The following CDK20 variants were observed in gnomAD, a reference collection of about 807,000 sequenced individuals.
The protein encoded by CDK20 is cyclin-dependent kinase 20.
A neutral mutation model predicts 38.6 loss-of-function variants in CDK20; 40 were observed. The ratio of observed to expected loss-of-function variants is 1.04; its 90% CI spans 0.81 to 1.35. The LOEUF (loss-of-function observed/expected upper bound fraction) is 1.35. Ranked by LOEUF, CDK20 falls within the 40% of genes most tolerant of loss-of-function variation. The probability of loss-of-function intolerance (pLI) is 0.00; values close to 1 mark genes in which losing one functional copy is unlikely to be tolerated. For missense variants in CDK20, 512 were observed against 452.6 expected (o/e 1.13, Z -1.19); for synonymous variants, 209 against 185.7 (o/e 1.13, Z -1.02).
rs1227628064 is a variant in CDK20, at chr9:87,967,008, A to AC, written c.*453dup. ...TTAGAATCTATATCTCACATACTGA[A>AC]CTAGTGTTTAATGGCTCTGAGAATA... On this transcript the variant is annotated 3_prime_UTR_variant, in exon 8 of 8. Transcript: ENST00000325303. 6.0e-6 allele frequency: 3 copies of AC among 497,998 alleles called. No individual in the cohort carries two copies. Among genetic ancestry groups the AC allele is most frequent in the Non-Finnish European group, 1.2e-5 (3 of 249,408 alleles). 30.8% of individuals were successfully genotyped at this position (497,998 alleles called of 1,614,324 possible).
intron 7 of CDK20, 22 bp downstream of exon 7, chr9:87,969,172 A>C (rs1235776258): frequency 6.2e-7 from 1 of 1,611,676 alleles, no homozygotes; most frequent in African/African-American, 1.3e-5. Flanking sequence ...GAAGGAGCAG[A>C]GACTACAGCC....
At chr9:87,970,671 G>A (rs1278046833) in intron 4 of CDK20, 41 bp from the exon 5 acceptor site, 1 of 1,613,534 alleles carries the variant, frequency 6.2e-7, no homozygotes, top group Non-Finnish European at 8.5e-7. Flanking sequence ...CTGAGAAAAG[G>A]ATGCCTGGGG....
At chr9:87,972,064 G>A (rs1348635690) in intron 2 of CDK20, among the ~76,000 whole-genome samples, 1 of 152,048 alleles carries the variant, frequency 6.6e-6, no homozygotes, top group East Asian at 1.9e-4. Context: ...AACTAGCCAG[G>A]CATGGTGACA....
In CDK20 at chr9:87,966,751, G is replaced by A. The variant is rs569845111; in HGVS notation, c.*711C>T. The A allele has an allele frequency of 7.3e-5, 23 of 313,006 alleles. No individual in the cohort carries two copies. The highest frequency in any genetic ancestry group is 1.1e-4 in the Non-Finnish European group (18 of 159,154). 19.4% of individuals were successfully genotyped at this position (313,006 alleles called of 1,614,324 possible). A position where few individuals can be genotyped will look rare whatever the true frequency, so the allele number is the denominator to read the frequency against. ...CAGCCTCATGTGCAGAGGGTCTCCT[G>A]CTGGATCCCCAACTGGAGCCATCCC... On this transcript the variant is annotated 3_prime_UTR_variant, in exon 8 of 8. Coordinates refer to ENST00000325303, the MANE Select transcript of CDK20 (RefSeq NM_001039803.3).
In CDK20 at chr9:87,967,132, C is replaced by T; in HGVS notation, c.*330G>A. ...CAGGAGGCAGCACTCGGGGAAGCAGCACCAAGGCAGGCATCGTCATTCTGC... is the reference window on the plus strand; with the variant it reads ...CAGGAGGCAGCACTCGGGGAAGCAGTACCAAGGCAGGCATCGTCATTCTGC... On this transcript the variant is annotated 3_prime_UTR_variant, in exon 8 of 8. Transcript: ENST00000325303. The T allele has an allele frequency of 1.7e-6, 1 of 595,046 alleles. No homozygotes were observed. 36.9% of individuals were successfully genotyped at this position (595,046 alleles called of 1,614,324 possible). A position where few individuals can be genotyped will look rare whatever the true frequency, so the allele number is the denominator to read the frequency against.
Position 87,969,189 on chromosome 9 carries a change from C to G in CDK20, c.843+5G>C. The G allele has an allele frequency of 6.2e-7, 1 of 1,613,612 alleles. No individual in the cohort carries two copies. Among genetic ancestry groups the G allele is most frequent in the Non-Finnish European group, 8.5e-7 (1 of 1,179,722 alleles). ...AGGAGCAGAGACTACAGCCTCTCCC[C>G]CTACCTTGGAAGCTGCGATGCGCTG... On this transcript the variant is annotated splice_donor_5th_base_variant and intron_variant, in intron 7 of 7. Transcript: ENST00000325303.
chr9:87,966,978 G>C lies in CDK20; in HGVS notation c.*484C>G. 7 of 454,276 alleles carry C rather than the reference G, an allele frequency of 1.5e-5. No homozygotes were observed. Among genetic ancestry groups the C allele is most frequent in the South Asian group, 1.1e-4 (7 of 64,136 alleles). The allele number at this position is 454,276 out of a possible 1,614,324, so 28.1% of individuals were successfully genotyped here. ...ACAGACATAAGGCAGAGCCACCTGA[G>C]GTTTTTAGAATCTATATCTCACATA... On this transcript the variant is annotated 3_prime_UTR_variant, in exon 8 of 8. Coordinates refer to ENST00000325303, the MANE Select transcript of CDK20 (RefSeq NM_001039803.3).
At chr9:87,970,969 T>C in intron 3 of CDK20, 72 bp from the exon 4 acceptor site, 1 of 1,596,118 alleles carries the variant, frequency 6.3e-7, no homozygotes, top group Non-Finnish European at 8.6e-7. Flanking sequence ...GGCTTGGCAG[T>C]CTAACCACTC....
At chr9:87,970,463 C>T in intron 5 of CDK20, 105 bp downstream of exon 5, 1 of 1,066,706 alleles carries the variant, frequency 9.4e-7, no homozygotes, top group Non-Finnish European at 1.4e-6. Flanking sequence ...CTTAAGGAAG[C>T]CTAAACTCCC....
At chr9:87,969,037 C>T in intron 7 of CDK20, 157 bp downstream of exon 7, 5 of 809,082 alleles carry the variant, frequency 6.2e-6, no homozygotes, top group Non-Finnish European at 9.7e-6. Context: ...GCTCCAAGGC[C>T]CCTGTCCCCT....
chr9:87,968,770 G>A lies in CDK20; in HGVS notation c.843+424C>T, dbSNP rs144686456. On this transcript the variant is annotated intron_variant, in intron 7 of 7. Coordinates refer to ENST00000325303, the MANE Select transcript of CDK20 (RefSeq NM_001039803.3). ...CACCAGGAGTGCCCCGCGGAGGTAG[G>A]ACTGATTGTTTACCATCTGTGCAGG... 1.2e-3 allele frequency: 201 copies of A among 168,352 alleles called. 1 individual carries two copies. Among genetic ancestry groups the A allele is most frequent in the African/African-American group, 4.6e-3 (196 of 42,154 alleles). The allele number at this position is 168,352 out of a possible 1,614,324, so 10.4% of individuals were successfully genotyped here.
Position 87,969,310 on chromosome 9 carries a change from T to C in CDK20, c.727A>G (p.Lys243Glu). The change falls in exon 7 of 8, where the codon AAG (lysine) becomes GAG (glutamate). Residue 243 changes from lysine to glutamate, a missense_variant. Lys to Glu is a moderately conservative substitution (Grantham distance 56). Coordinates refer to ENST00000325303, the MANE Select transcript of CDK20 (RefSeq NM_001039803.3). ...TCCAGGGGCATGGGCACCTGCTCCT[T>C]AAAGGAGATCTTGTTGTAGTCCGGC... is the stretch of plus-strand genomic sequence containing the variant. ...ELPDYNKISF[K>E]EQVPMPLEEV... 1 of 1,613,962 alleles carries C rather than the reference T, an allele frequency of 6.2e-7. No individual in the cohort carries two copies.
At chr9:87,969,097 T>C in intron 7 of CDK20, 97 bp downstream of exon 7, 1 of 1,391,102 alleles carries the variant, frequency 7.2e-7, no homozygotes, top group Non-Finnish European at 9.9e-7. Context: ...GTTCTGAGGG[T>C]CGCTGATGTG....
chr9:87,974,149 G>A lies in CDK20; in HGVS notation c.76-114C>T, dbSNP rs1463071424. On this transcript the variant is annotated intron_variant, in intron 1 of 7. Coordinates refer to ENST00000325303, the MANE Select transcript of CDK20 (RefSeq NM_001039803.3). The stretch of plus-strand genomic sequence containing the variant: ...ACACGCGCCCCCGGCTCGGCCAGAG[G>A]CCCTCCTCGGGGGTCTAGGACTAGC... 5.8e-6 allele frequency: 9 copies of A among 1,546,344 alleles called. No homozygotes were observed. In the South Asian group the frequency reaches 7.0e-5, roughly 12 times the overall value.
chr9:87,967,871 G>A, intron 7 of CDK20: 1 of 524,074 alleles, frequency 1.9e-6, no homozygotes, highest in Non-Finnish European at 3.4e-6. Context: ...ATAAGTGAGG[G>A]TGGGGGGTAA....
intron 3 of CDK20, 95 bp from the exon 4 acceptor site, chr9:87,970,992 G>A: frequency 6.4e-7 from 1 of 1,555,240 alleles, no homozygotes; most frequent in Admixed American, 1.8e-5. Flanking sequence ...GTCAGCCCCG[G>A]TCCCCACCTC....
chr9:87,969,039 C>T, intron 7 of CDK20, 155 bp downstream of exon 7: 1 of 835,342 alleles, frequency 1.2e-6, no homozygotes, highest in East Asian at 2.6e-5. Flanking sequence ...TCCAAGGCCC[C>T]TGTCCCCTGG....
intron 6 of CDK20, 26 bp downstream of exon 6, chr9:87,969,770 C>T (rs1829717461): frequency 6.2e-7 from 1 of 1,613,504 alleles, no homozygotes; most frequent in South Asian, 1.1e-5. Context: ...TGCCCCACAC[C>T]CACCTCACCA....
At chr9:87,974,274 T>A in intron 1 of CDK20, 98 bp downstream of exon 1, 1 of 1,341,990 alleles carries the variant, frequency 7.5e-7, no homozygotes. Context: ...TTAAAAACTG[T>A]ACTGGATGTA....
Sources: allele counts gnomAD v4.1 joint callset (sites outside exome capture counted in the v4.1 genomes callset), GRCh38; gene constraint gnomAD v4.1.1; transcripts MANE v1.5; gene names NCBI Gene and HGNC (gene_info 2026-07-23, HGNC 2026-07-21).